ATRNL1: variants seen among roughly 807,000 people sequenced by gnomAD.
ATRNL1 encodes the protein attractin like 1.
In ATRNL1, 95 loss-of-function variants were observed where a neutral mutation model predicts 182.7. The observed-to-expected ratio is 0.52, with a 90% CI of 0.44 to 0.62. The LOEUF is 0.62. ATRNL1 is among the 20% of genes least tolerant of loss of function. The pLI is 0.00. For missense variants in ATRNL1, 1,471 were observed against 1,679.5 expected, an observed-to-expected ratio of 0.88 and a Z score of 2.17; for synonymous variants, 576 against 568.3, an observed-to-expected ratio of 1.01 and a Z score of -0.19.
At chr10:115,763,208 A>ATTT (rs1555074096) in intron 27 of ATRNL1, among the ~76,000 whole-genome samples, 7 of 152,074 alleles carry the variant, frequency 4.6e-5, no homozygotes, top group African/African-American at 1.7e-4. Flanking sequence ...CCATCATTCA[A>ATTT]AAATATTTAT....
chr10:115,483,006 A>C (rs1848842115), intron 24 of ATRNL1, among the ~76,000 whole-genome samples: 1 of 151,344 alleles, frequency 6.6e-6, no homozygotes, highest in African/African-American at 2.4e-5. Context: ...TTGTTAAGTA[A>C]ATAAAATGGT....
intron 27 of ATRNL1, among the ~76,000 whole-genome samples, chr10:115,837,115 C>T (rs554159281): frequency 3.5e-4 from 54 of 152,244 alleles, no homozygotes; most frequent in African/African-American, 1.3e-3. Context: ...ATTTTATTCA[C>T]TCTCATATAC....
At chr10:115,515,938 C>T (rs1276087552) in intron 24 of ATRNL1, among the ~76,000 whole-genome samples, 1 of 151,726 alleles carries the variant, frequency 6.6e-6, no homozygotes, top group Non-Finnish European at 1.5e-5. Context: ...CCTACCTTTC[C>T]ACTTCTTTTT....
chr10:115,549,593 C>G, intron 26 of ATRNL1, 57 bp downstream of exon 26: 1 of 1,179,054 alleles, frequency 8.5e-7, no homozygotes, highest in Non-Finnish European at 1.2e-6. Flanking sequence ...ATATGGATCT[C>G]TATTGTCTGT....
chr10:115,180,639 G>C (rs1248500988), intron 8 of ATRNL1, among the ~76,000 whole-genome samples: 1 of 151,858 alleles, frequency 6.6e-6, no homozygotes, highest in Non-Finnish European at 1.5e-5. Context: ...GATTAGACTA[G>C]TATCAGATTT....
intron 26 of ATRNL1, among the ~76,000 whole-genome samples, chr10:115,560,672 A>T (rs1853648824): frequency 6.6e-6 from 1 of 152,154 alleles, no homozygotes; most frequent in African/African-American, 2.4e-5. Context: ...TAGATCCTAA[A>T]ATCCACAGGG....
At chr10:115,442,611 G>A (rs188822348) in intron 21 of ATRNL1, among the ~76,000 whole-genome samples, 41 of 152,078 alleles carry the variant, frequency 2.7e-4, no homozygotes, top group African/African-American at 5.8e-4. Context: ...GATTGGTTGC[G>A]GCTGTGTTAT....
intron 27 of ATRNL1, among the ~76,000 whole-genome samples, chr10:115,839,548 G>A (rs536816479): frequency 1.3e-5 from 2 of 152,218 alleles, no homozygotes; most frequent in East Asian, 1.9e-4. Context: ...ACCTCTGTGT[G>A]CATGCCCTTA....
At chr10:115,423,291 T>C (rs1443829944) in intron 20 of ATRNL1, among the ~76,000 whole-genome samples, 1 of 152,090 alleles carries the variant, frequency 6.6e-6, no homozygotes, top group African/African-American at 2.4e-5. Context: ...CCCAGCACTT[T>C]GGGAGGCTGA....
chr10:115,384,484 C>T (rs1225732753), intron 19 of ATRNL1, among the ~76,000 whole-genome samples: 1 of 151,806 alleles, frequency 6.6e-6, no homozygotes, highest in East Asian at 1.9e-4. Context: ...CTTTATGGGC[C>T]ATTCGGTCTG....
chr10:115,451,474 A>G (rs1020549213), intron 21 of ATRNL1, among the ~76,000 whole-genome samples: 2 of 152,220 alleles, frequency 1.3e-5, no homozygotes, highest in East Asian at 3.8e-4. Flanking sequence ...AACTTTCAAA[A>G]AAAGACATAC....
At position 115,286,322 on chromosome 10, in the gene ATRNL1, T is replaced by A. The variant is rs1554918877; in HGVS notation, c.2340T>A (p.Ser780Arg). Residue 780 changes from serine to arginine, a missense_variant, in exon 15 of 29, where the codon AGT (serine) becomes AGA (arginine). Physicochemically the swap from Ser to Arg is moderately radical, Grantham distance 110. This residue lies in a region of ATRNL1 where 1,031 missense variants were observed against 1,156.0 expected (regional missense o/e 0.89). Coordinates refer to ENST00000355044, the MANE Select transcript of ATRNL1 (RefSeq NM_207303.4). ...CAAAACTTTATTGCTATAATCTTAG[T>A]GGAAATCTTGCTTCATTAACAACCT... is the stretch of plus-strand genomic sequence containing the variant. ...DNAKLYCYNL[S>R]GNLASLTTSK... 2.3e-5 allele frequency: 37 copies of A among 1,607,208 alleles called. No homozygotes were observed. Among genetic ancestry groups the A allele is most frequent in the Non-Finnish European group, 3.0e-5 (35 of 1,174,770 alleles).
intron 26 of ATRNL1, among the ~76,000 whole-genome samples, chr10:115,695,933 C>G (rs1048304149): frequency 6.6e-6 from 1 of 150,422 alleles, no homozygotes; most frequent in African/African-American, 2.5e-5. Context: ...GAGTCTTGCT[C>G]TGTCGCCCAG....
chr10:115,604,204 G>T (rs1856760591), intron 26 of ATRNL1, among the ~76,000 whole-genome samples: 1 of 151,940 alleles, frequency 6.6e-6, no homozygotes, highest in South Asian at 2.1e-4. Context: ...TATGAATTTG[G>T]TTGTATTTTT....
intron 28 of ATRNL1, among the ~76,000 whole-genome samples, chr10:115,864,993 A>G (rs1194812779): frequency 1.3e-5 from 2 of 151,762 alleles, no homozygotes; most frequent in Admixed American, 6.5e-5. Context: ...AAAAAAAAAA[A>G]AAAGAAAAGA....
chr10:115,710,094 A>G lies in ATRNL1; in HGVS notation c.3796-17154A>G, dbSNP rs112068304. On this transcript the variant is annotated intron_variant, in intron 26 of 28. Coordinates refer to ENST00000355044, the MANE Select transcript of ATRNL1 (RefSeq NM_207303.4). Reference sequence around the variant, plus strand: ...ATTCTTTAATGACTGAGTGTAATATATAGCATTTTTCACCAAAAAGAGTCA... The same window carrying G: ...ATTCTTTAATGACTGAGTGTAATATGTAGCATTTTTCACCAAAAAGAGTCA... Among the ~76,000 whole-genome samples the G allele has an allele frequency of 9.0e-3, 1,368 of 151,698 alleles. 9 individuals are homozygous for G. Among genetic ancestry groups the G allele is most frequent in the Non-Finnish European group, 0.015 (1,038 of 67,852 alleles).
Position 115,450,978 on chromosome 10 carries a change from A to G in ATRNL1, c.3323-10963A>G, listed in dbSNP as rs1199352690. Among the ~76,000 whole-genome samples, 6 of 152,306 alleles carry G rather than the reference A, an allele frequency of 3.9e-5. No homozygotes were observed. In the East Asian group the frequency reaches 1.2e-3, roughly 29 times the overall value. On this transcript the variant is annotated intron_variant, in intron 21 of 28. Transcript: ENST00000355044. The stretch of plus-strand genomic sequence containing the variant: ...GAGCCAGGAATTAGGCTACACACCT[A>G]TAACCATCTGATCTTCAATAAAGCT...
chr10:115,152,071 A>G (rs1846259973), intron 5 of ATRNL1, among the ~76,000 whole-genome samples: 2 of 152,068 alleles, frequency 1.3e-5, no homozygotes, highest in Non-Finnish European at 2.9e-5. Context: ...CCATTGATCT[A>G]TATCTCTGTT....
intron 26 of ATRNL1, among the ~76,000 whole-genome samples, chr10:115,561,690 G>GTGTGTGTGTGTGTGTGT (rs1853734733): frequency 7.9e-5 from 4 of 50,502 alleles, no homozygotes; most frequent in African/African-American, 2.8e-4. Context: ...TGTGTGTGTG[G>GTGTGTGTGTGTGTGTGT]GTGTGTGTGT....
Sources: gnomAD v4.1 joint callset for allele counts (sites outside exome capture counted in the v4.1 genomes callset) on GRCh38, gnomAD v4.1.1 for gene constraint, gnomAD v4.1.1 regional missense constraint, MANE v1.5 for transcripts, NCBI Gene and HGNC (gene_info 2026-07-23, HGNC 2026-07-21) for gene names.